MARCHF6: variants seen among roughly 807,000 people sequenced by gnomAD.
MARCHF6 encodes the protein E3 ubiquitin-protein ligase MARCHF6.
A neutral mutation model predicts 133.7 loss-of-function variants in MARCHF6; 31 were observed. The ratio of observed to expected loss-of-function variants is 0.23; its 90% CI spans 0.17 to 0.31. The LOEUF (loss-of-function observed/expected upper bound fraction) is 0.31. Ranked by LOEUF, MARCHF6 falls within the 10% of genes least tolerant of loss-of-function variation. MARCHF6 has a pLI of 1.00. For missense variants in MARCHF6, 723 were observed against 1,121.6 expected (o/e 0.64, Z 5.08); for synonymous variants, 395 against 402.5 (o/e 0.98, Z 0.22).
rs1318410049 is a variant in MARCHF6 at position 10,437,348 on chromosome 5, A to G, written c.*3664A>G. Reference sequence around the variant, plus strand: ...CCCAACTAAAATGTCTTACCAGTAAAGTATTATTAAAAGCCTCATTTGTGG... The same window carrying G: ...CCCAACTAAAATGTCTTACCAGTAAGGTATTATTAAAAGCCTCATTTGTGG... On this transcript the variant is annotated 3_prime_UTR_variant, in exon 26 of 26. Coordinates refer to ENST00000274140, the MANE Select transcript of MARCHF6 (RefSeq NM_005885.4). 6.6e-6 allele frequency: 1 copy of G among 152,182 alleles called. No individual in the cohort carries two copies. The highest frequency in any genetic ancestry group is 1.5e-5 in the Non-Finnish European group (1 of 68,026). 9.4% of individuals were successfully genotyped at this position (152,182 alleles called of 1,614,324 possible).
chr5:10,394,666 T>C (rs1189750613), intron 8 of MARCHF6, 87 bp from the exon 9 acceptor site: 5 of 1,019,948 alleles, frequency 4.9e-6, no homozygotes, highest in African/African-American at 3.2e-5. Flanking sequence ...TTTAAAGATA[T>C]TGAAAGGAAA....
intron 5 of MARCHF6, 41 bp downstream of exon 5, chr5:10,387,107 A>T (rs764457952): frequency 1.5e-5 from 22 of 1,422,178 alleles, no homozygotes; most frequent in South Asian, 1.1e-4. Context: ...CATGATGTAG[A>T]TGATGCTTGC....
chr5:10,439,649 C>T lies in MARCHF6; in HGVS notation c.*5965C>T, dbSNP rs1167998133. On this transcript the variant is annotated 3_prime_UTR_variant, in exon 26 of 26. Coordinates refer to ENST00000274140, the MANE Select transcript of MARCHF6 (RefSeq NM_005885.4). ...CCTGAGCTTGCTGCCTCTGCCCCTG[C>T]TCTCTCTCCTTTTCCATTTGTTTTC... 1 of 150,206 alleles carries T rather than the reference C, an allele frequency of 6.7e-6. No individual in the cohort carries two copies. The highest frequency in any genetic ancestry group is 2.5e-5 in the African/African-American group (1 of 39,546). The allele number at this position is 150,206 out of a possible 1,614,324, so 9.3% of individuals were successfully genotyped here. A position where few individuals can be genotyped will look rare whatever the true frequency, so the allele number is the denominator to read the frequency against.
intron 5 of MARCHF6, 92 bp from the exon 6 acceptor site, chr5:10,390,240 T>TC (rs1737741069): frequency 1.0e-5 from 10 of 956,052 alleles, no homozygotes; most frequent in Middle Eastern, 3.1e-4. Flanking sequence ...TTTTTTTTTT[T>TC]CTGAGACTTT....
intron 4 of MARCHF6, among the ~76,000 whole-genome samples, chr5:10,385,568 A>G (rs2567583): frequency 0.17 from 25,510 of 152,156 alleles, 3,334 homozygotes; most frequent in East Asian, 0.68. Flanking sequence ...AGAGATAAAT[A>G]CAAAGCAGCA....
At chr5:10,430,174 G>A (rs1376105671) in intron 25 of MARCHF6, 146 bp downstream of exon 25, 2 of 903,480 alleles carry the variant, frequency 2.2e-6, no homozygotes, top group Non-Finnish European at 3.3e-6. Flanking sequence ...GACAGATTGT[G>A]ACATGTGAAG....
intron 20 of MARCHF6, 39 bp from the exon 21 acceptor site, chr5:10,415,445 TTACC>T (rs1217705467): frequency 6.5e-7 from 1 of 1,544,958 alleles, no homozygotes; most frequent in African/African-American, 1.4e-5. Context: ...ACAATTCTCT[TTACC>T]TAGCCACATG....
intron 22 of MARCHF6, 27 bp downstream of exon 22, chr5:10,417,431 A>G: frequency 6.2e-7 from 1 of 1,612,154 alleles, no homozygotes; most frequent in Non-Finnish European, 8.5e-7. Flanking sequence ...TGCTCATGTT[A>G]TTTCATTAAG....
In MARCHF6 at chr5:10,377,806, A is replaced by C; in HGVS notation, c.28A>C (p.Arg10=). Residue 10 remains arginine, a synonymous_variant, in exon 2 of 26, where the codon AGA becomes CGA. Transcript: ENST00000274140. The part of the protein sequence containing the change: MDTAEEDIC[R]VCRSEGTPEK... ...TCCTTTTTCATTGGCAGACATATGT[A>C]GAGTGTGTCGGTCAGAAGGAACACC... 2 of 1,608,260 alleles carry C rather than the reference A, an allele frequency of 1.2e-6. No individual in the cohort carries two copies. The highest frequency in any genetic ancestry group is 1.7e-4 in the Middle Eastern group (1 of 6,034).
rs1248965119 is a variant in MARCHF6, at chr5:10,435,639, CTATA to C, written c.*2011_*2014del. The C allele has an allele frequency of 1.2e-3, 3 of 2,414 alleles. No homozygotes were observed. Among genetic ancestry groups the C allele is most frequent in the Non-Finnish European group, 1.3e-3 (2 of 1,512 alleles). 0.1% of individuals were successfully genotyped at this position (2,414 alleles called of 1,614,324 possible). On this transcript the variant is annotated 3_prime_UTR_variant, in exon 26 of 26. Transcript: ENST00000274140. ...AGCATATAACTATATAACTATATAA[CTATA>C]TATATATATATATATATATATATAT...
chr5:10,428,913 C>A (rs1349478247), intron 24 of MARCHF6, among the ~76,000 whole-genome samples: 1 of 152,092 alleles, frequency 6.6e-6, no homozygotes, highest in Non-Finnish European at 1.5e-5. Context: ...ATGTTGGTAC[C>A]TGTTTTGCCC....
chr5:10,375,056 C>T lies in MARCHF6; in HGVS notation c.20-2742C>T, dbSNP rs903142979. ...TCCTCTGCCTGGGCTCCCACTTTGG[C>T]GGCACTTGAGGAGCCCTTCAGCCCA... On this transcript the variant is annotated intron_variant, in intron 1 of 25. Coordinates refer to ENST00000274140, the MANE Select transcript of MARCHF6 (RefSeq NM_005885.4). Among the ~76,000 whole-genome samples the T allele has an allele frequency of 5.9e-5, 9 of 152,246 alleles. 1 individual carries two copies. The highest frequency in any genetic ancestry group is 5.9e-4 in the Admixed American group (9 of 15,292).
intron 3 of MARCHF6, among the ~76,000 whole-genome samples, chr5:10,379,424 G>A (rs1736991433): frequency 6.6e-6 from 1 of 151,002 alleles, no homozygotes; most frequent in Non-Finnish European, 1.5e-5. Flanking sequence ...TTGAGTTAAA[G>A]TTGTATAGGT....
chr5:10,362,353 A>G (rs1314368240), intron 1 of MARCHF6, among the ~76,000 whole-genome samples: 1 of 152,208 alleles, frequency 6.6e-6, no homozygotes, highest in African/African-American at 2.4e-5. Flanking sequence ...AAAAGTGCCA[A>G]GAGGCATTTC....
At chr5:10,403,641 A>G (rs1738687253) in intron 15 of MARCHF6, 100 bp downstream of exon 15, 2 of 1,067,282 alleles carry the variant, frequency 1.9e-6, no homozygotes, top group South Asian at 2.0e-5. Context: ...TCCTACCTAA[A>G]TCATATTCTC....
chr5:10,374,758 C>T (rs1220442986), intron 1 of MARCHF6, among the ~76,000 whole-genome samples: 1 of 152,160 alleles, frequency 6.6e-6, no homozygotes, highest in Non-Finnish European at 1.5e-5. Context: ...CATTAATGCC[C>T]ATGACCCACT....
chr5:10,383,567 T>C (rs1737283026), intron 4 of MARCHF6, among the ~76,000 whole-genome samples: 1 of 152,194 alleles, frequency 6.6e-6, no homozygotes, highest in Non-Finnish European at 1.5e-5. Context: ...ACTCAAAATT[T>C]GATGTTTTTG....
At chr5:10,405,133 T>G (rs1412979905) in intron 15 of MARCHF6, among the ~76,000 whole-genome samples, 16 of 152,288 alleles carry the variant, frequency 1.1e-4, no homozygotes, top group African/African-American at 3.6e-4. Context: ...GTACCCAGAC[T>G]CCTCCTTTAC....
At position 10,391,582 on chromosome 5, in the gene MARCHF6, A is replaced by C; in HGVS notation, c.617A>C (p.Asp206Ala). 6.2e-7 allele frequency: 1 copy of C among 1,612,054 alleles called. No individual in the cohort carries two copies. Among genetic ancestry groups the C allele is most frequent in the Non-Finnish European group, 8.5e-7 (1 of 1,179,390 alleles). Residue 206 changes from aspartate to alanine, a missense_variant, in exon 7 of 26, where the codon GAT becomes GCT. Asp to Ala is a moderately radical substitution (Grantham distance 126). Coordinates refer to ENST00000274140, the MANE Select transcript of MARCHF6 (RefSeq NM_005885.4). ...AATGGTGCAGAAAATGTTGCTGCTG[A>C]TCAGCCTGCTAACCCACCAGCTGAG... is the stretch of plus-strand genomic sequence containing the variant. ...GGNGAENVAA[D>A]QPANPPAENA... is the part of the protein sequence containing the mutation.
Sources: allele counts gnomAD v4.1 joint callset (sites outside exome capture counted in the v4.1 genomes callset), GRCh38; gene constraint gnomAD v4.1.1; transcripts MANE v1.5; gene names NCBI Gene and HGNC (gene_info 2026-07-23, HGNC 2026-07-21).